The following LDAH variants were observed in gnomAD, a reference collection of about 807,000 sequenced individuals.
LDAH encodes the protein lipid droplet associated hydrolase.
LDAH carries 26 observed loss-of-function variants against 29.6 expected under a neutral mutation model. That is an observed-to-expected ratio of 0.88 (90% CI 0.64 to 1.22). The LOEUF (loss-of-function observed/expected upper bound fraction) is 1.22. Among genes scored for constraint, LDAH ranks in the 50% most tolerant of loss-of-function variants. LDAH has a pLI of 0.00. For synonymous variants in LDAH, 117 were observed against 133.0 expected (o/e 0.88, Z 0.83); for missense variants, 344 against 387.3 (o/e 0.89, Z 0.94).
intron 6 of LDAH, among the ~76,000 whole-genome samples, chr2:20,696,355 G>A (rs1355205502): frequency 6.6e-6 from 1 of 152,188 alleles, no homozygotes; most frequent in African/African-American, 2.4e-5. Context: ...TCCTGTTCTT[G>A]AGGACACTTG....
chr2:20,732,289 A>G (rs962374491), intron 5 of LDAH, among the ~76,000 whole-genome samples: 1 of 152,128 alleles, frequency 6.6e-6, no homozygotes, highest in Non-Finnish European at 1.5e-5. Flanking sequence ...TCTGTTTGCT[A>G]ATATTTTATT....
intron 4 of LDAH, among the ~76,000 whole-genome samples, chr2:20,767,228 A>G (rs1175167102): frequency 6.6e-6 from 1 of 152,222 alleles, no homozygotes; most frequent in African/African-American, 2.4e-5. Flanking sequence ...AGCCAGAAAC[A>G]GGCAGCAGCC....
intron 4 of LDAH, among the ~76,000 whole-genome samples, chr2:20,748,379 A>G (rs1166693667): frequency 6.6e-6 from 1 of 152,242 alleles, no homozygotes; most frequent in East Asian, 1.9e-4. Context: ...AGGTCTTTAC[A>G]TAACTTATAA....
At chr2:20,720,487 A>T (rs1243493672) in intron 5 of LDAH, among the ~76,000 whole-genome samples, 1 of 152,104 alleles carries the variant, frequency 6.6e-6, no homozygotes, top group African/African-American at 2.4e-5. Flanking sequence ...CACACAAAGG[A>T]AAAGATATCC....
Position 20,739,940 on chromosome 2 carries a change from T to C in LDAH, c.703+31A>G, listed in dbSNP as rs904535078. On this transcript the variant is annotated intron_variant, in intron 5 of 6. Transcript: ENST00000237822. ...GTGTAAACATTTTGTGATACAAGAA[T>C]AAACATACACATTTTAAAATCTGTG... 9 of 1,510,974 alleles carry C rather than the reference T, an allele frequency of 6.0e-6. No individual in the cohort carries two copies. In the African/African-American group the frequency reaches 1.1e-4, roughly 19 times the overall value. The allele number at this position is 1,510,974 out of a possible 1,614,324, so 93.6% of individuals were successfully genotyped here.
intron 5 of LDAH, among the ~76,000 whole-genome samples, chr2:20,733,091 G>A (rs949946764): frequency 7.9e-5 from 12 of 151,910 alleles, no homozygotes; most frequent in African/African-American, 2.7e-4. Flanking sequence ...TTGAAGCTTA[G>A]GTTACTAGGA....
intron 4 of LDAH, among the ~76,000 whole-genome samples, chr2:20,745,156 TG>T: frequency 6.6e-6 from 1 of 152,338 alleles, no homozygotes; most frequent in South Asian, 2.1e-4. Context: ...GTACTTCTGT[TG>T]GCTGTATCAC....
At chr2:20,814,218 G>A (rs925594457) in intron 1 of LDAH, among the ~76,000 whole-genome samples, 2 of 106,116 alleles carry the variant, frequency 1.9e-5, no homozygotes, top group African/African-American at 6.4e-5. Flanking sequence ...TACTGTCAGT[G>A]AGTCTGACAA....
At chr2:20,822,848 C>T (rs1673433260) in intron 1 of LDAH, among the ~76,000 whole-genome samples, 189 bp downstream of exon 1, 1 of 152,208 alleles carries the variant, frequency 6.6e-6, no homozygotes, top group African/African-American at 2.4e-5. Context: ...TCAAGGGACT[C>T]CCAGGCCAAG....
chr2:20,793,898 C>T (rs893051636), intron 2 of LDAH, among the ~76,000 whole-genome samples: 1 of 152,108 alleles, frequency 6.6e-6, no homozygotes, highest in Admixed American at 6.6e-5. Flanking sequence ...AAAATCCAGG[C>T]CCACACAGCT....
chr2:20,713,556 T>C (rs1283155728), intron 5 of LDAH, among the ~76,000 whole-genome samples: 2 of 152,186 alleles, frequency 1.3e-5, no homozygotes, highest in African/African-American at 4.8e-5. Context: ...TAAATGTAAA[T>C]GGACTAAATG....
chr2:20,691,102 C>A (rs1346053307), intron 6 of LDAH, among the ~76,000 whole-genome samples: 1 of 152,162 alleles, frequency 6.6e-6, no homozygotes, highest in Non-Finnish European at 1.5e-5. Flanking sequence ...TGACAACTGG[C>A]AGGTCTTAAA....
At chr2:20,707,312 T>C (rs1052973614) in intron 5 of LDAH, among the ~76,000 whole-genome samples, 1 of 152,208 alleles carries the variant, frequency 6.6e-6, no homozygotes. Context: ...ATGAAGGCTC[T>C]GGGCCATGCT....
intron 3 of LDAH, among the ~76,000 whole-genome samples, chr2:20,779,937 T>G (rs1032233009): frequency 6.6e-6 from 1 of 152,210 alleles, no homozygotes; most frequent in African/African-American, 2.4e-5. Flanking sequence ...TGAATATCAG[T>G]GAATTGGCTC....
At chr2:20,727,617 A>AT (rs1340349710) in intron 5 of LDAH, among the ~76,000 whole-genome samples, 3 of 152,202 alleles carry the variant, frequency 2.0e-5, no homozygotes, top group Non-Finnish European at 4.4e-5. Context: ...ACCCTAGAAT[A>AT]TTTTTTAAAG....
At chr2:20,814,467 A>G (rs1672718686) in intron 1 of LDAH, among the ~76,000 whole-genome samples, 1 of 152,022 alleles carries the variant, frequency 6.6e-6, no homozygotes, top group Non-Finnish European at 1.5e-5. Flanking sequence ...ATTTATTTTT[A>G]TTATTATTTT....
intron 2 of LDAH, among the ~76,000 whole-genome samples, chr2:20,797,289 T>C (rs1316354942): frequency 6.6e-6 from 1 of 152,164 alleles, no homozygotes; most frequent in Non-Finnish European, 1.5e-5. Context: ...GGACTAGGCA[T>C]AACCAAACAC....
intron 2 of LDAH, 35 bp from the exon 3 acceptor site, chr2:20,790,433 A>C (rs1320005568): frequency 6.3e-7 from 1 of 1,586,984 alleles, no homozygotes; most frequent in East Asian, 2.2e-5. Flanking sequence ...GATTAATCAA[A>C]GTAATAAACA....
At chr2:20,737,115 T>C (rs56055516) in intron 5 of LDAH, among the ~76,000 whole-genome samples, 26,528 of 152,104 alleles carry the variant, frequency 0.17, 2,837 homozygotes, top group Admixed American at 0.25. Flanking sequence ...CTCTTTGGTG[T>C]TTCTGGGTTG....
Sources: gnomAD v4.1 joint callset for allele counts (sites outside exome capture counted in the v4.1 genomes callset) on GRCh38, gnomAD v4.1.1 for gene constraint, MANE v1.5 for transcripts, NCBI Gene and HGNC (gene_info 2026-07-23, HGNC 2026-07-21) for gene names.